The following SORD variants were observed in gnomAD, a reference collection of about 807,000 sequenced individuals.
The protein encoded by SORD is (R,R)-butanediol dehydrogenase.
A neutral mutation model predicts 35.6 loss-of-function variants in SORD; 18 were observed. The ratio of observed to expected loss-of-function variants is 0.51; its 90% CI spans 0.35 to 0.75. SORD has a LOEUF of 0.75. Among genes scored for constraint, SORD ranks in the 30% least tolerant of loss-of-function variants. The pLI is 0.01. For missense variants in SORD, 250 were observed against 390.2 expected (o/e 0.64, Z 3.03); for synonymous variants, 106 against 152.9 (o/e 0.69, Z 2.26).
chr15:45,059,322 T>G (rs1215392454), intron 3 of SORD, among the ~76,000 whole-genome samples: 1 of 150,920 alleles, frequency 6.6e-6, no homozygotes, highest in Non-Finnish European at 1.5e-5. Context: ...CAGAGTGAGA[T>G]CCTGTCTCAA....
intron 3 of SORD, among the ~76,000 whole-genome samples, chr15:45,060,600 C>G (rs1368387527): frequency 9.9e-5 from 15 of 152,166 alleles, no homozygotes; most frequent in Non-Finnish European, 1.8e-4. Context: ...TAGCTCTTGT[C>G]TTTGTAAAGG....
chr15:45,048,111 C>G (rs1160801156), intron 3 of SORD, among the ~76,000 whole-genome samples: 1 of 152,204 alleles, frequency 6.6e-6, no homozygotes, highest in East Asian at 1.9e-4. Flanking sequence ...CTCAGGATAA[C>G]TATTTGTCCT....
intron 1 of SORD, among the ~76,000 whole-genome samples, chr15:45,029,765 T>C (rs904891763): frequency 3.9e-5 from 6 of 152,198 alleles, no homozygotes; most frequent in Non-Finnish European, 8.8e-5. Context: ...GTGGAGAATT[T>C]TACTGAGCAA....
At chr15:45,045,725 T>C (rs1893037584) in intron 3 of SORD, among the ~76,000 whole-genome samples, 1 of 152,066 alleles carries the variant, frequency 6.6e-6, no homozygotes, top group South Asian at 2.1e-4. Flanking sequence ...AGCACTTGGC[T>C]GGGCATGGTG....
chr15:45,041,973 G>A (rs1159045931), intron 2 of SORD, among the ~76,000 whole-genome samples: 1 of 152,120 alleles, frequency 6.6e-6, no homozygotes, highest in East Asian at 1.9e-4. Context: ...AATTCACCCT[G>A]CCATTTCTTA....
At chr15:45,027,284 C>T (rs1035455096) in intron 1 of SORD, among the ~76,000 whole-genome samples, 17 of 152,376 alleles carry the variant, frequency 1.1e-4, no homozygotes, top group East Asian at 1.9e-4. Flanking sequence ...GGAAATAGTA[C>T]GAAGTTCCCA....
chr15:45,047,403 A>G (rs1327005328), intron 3 of SORD, among the ~76,000 whole-genome samples: 1 of 152,170 alleles, frequency 6.6e-6, no homozygotes, highest in Non-Finnish European at 1.5e-5. Flanking sequence ...AGAGGGCCCG[A>G]ACACTAGTAC....
intron 3 of SORD, among the ~76,000 whole-genome samples, chr15:45,057,667 C>T (rs112408460): frequency 0.027 from 4,104 of 152,208 alleles, 107 homozygotes; most frequent in South Asian, 0.11. Context: ...CCTGTAGTCC[C>T]AGCTACTTGG....
At chr15:45,060,764 G>A (rs1326917672) in intron 3 of SORD, among the ~76,000 whole-genome samples, 1 of 152,010 alleles carries the variant, frequency 6.6e-6, no homozygotes, top group East Asian at 1.9e-4. Flanking sequence ...GCTTGTTGCA[G>A]GAGCTGGAAA....
chr15:45,053,494 C>T (rs1369879952), intron 3 of SORD, among the ~76,000 whole-genome samples: 1 of 152,186 alleles, frequency 6.6e-6, no homozygotes, highest in African/African-American at 2.4e-5. Flanking sequence ...GGAAAATTAA[C>T]CAGACTTCCA....
intron 4 of SORD, among the ~76,000 whole-genome samples, chr15:45,062,418 G>A (rs1445202880): frequency 3.9e-4 from 59 of 152,286 alleles, no homozygotes; most frequent in Non-Finnish European, 6.6e-4. Flanking sequence ...CCGAAGTGCC[G>A]CTTTCCCCCT....
At chr15:45,035,079 G>A (rs1892840599) in intron 1 of SORD, among the ~76,000 whole-genome samples, 1 of 152,168 alleles carries the variant, frequency 6.6e-6, no homozygotes, top group South Asian at 2.1e-4. Flanking sequence ...CGCGGGGCAG[G>A]GCTCGGGACC....
At chr15:45,059,972 C>T (rs1437621066) in intron 3 of SORD, among the ~76,000 whole-genome samples, 2 of 152,056 alleles carry the variant, frequency 1.3e-5, no homozygotes, top group Admixed American at 1.3e-4. Context: ...GGGGATGGGG[C>T]TGGGGATTGA....
intron 3 of SORD, among the ~76,000 whole-genome samples, chr15:45,054,763 G>T (rs1326018506): frequency 1.4e-4 from 22 of 151,948 alleles, no homozygotes; most frequent in Admixed American, 1.4e-3. Context: ...TTCTTCTAGG[G>T]TTTTTATGGT....
intron 1 of SORD, among the ~76,000 whole-genome samples, chr15:45,034,717 G>A (rs1015870039): frequency 1.3e-5 from 2 of 152,238 alleles, no homozygotes; most frequent in African/African-American, 4.8e-5. Context: ...CCTCTGCCTG[G>A]GCTCCCGCTT....
At chr15:45,054,021 C>T (rs970680276) in intron 3 of SORD, among the ~76,000 whole-genome samples, 49 of 148,808 alleles carry the variant, frequency 3.3e-4, no homozygotes, top group African/African-American at 1.2e-3. Flanking sequence ...ATATCTGCCA[C>T]ATTTTCTTAA....
intron 4 of SORD, among the ~76,000 whole-genome samples, chr15:45,063,867 G>T (rs376150862): frequency 1.3e-5 from 2 of 150,508 alleles, no homozygotes; most frequent in Admixed American, 6.7e-5. Context: ...GAGTGTGACC[G>T]CAGTCAGAGC....
intron 1 of SORD, among the ~76,000 whole-genome samples, chr15:45,031,724 T>C (rs1351492137): frequency 6.6e-6 from 1 of 151,154 alleles, no homozygotes; most frequent in African/African-American, 2.4e-5. Context: ...CCCAAAGTGC[T>C]GGGATCACCG....
intron 4 of SORD, among the ~76,000 whole-genome samples, chr15:45,062,379 C>A (rs1237795266): frequency 6.6e-6 from 1 of 152,240 alleles, no homozygotes; most frequent in African/African-American, 2.4e-5. Context: ...CGTGGCCCCC[C>A]ATGGCCCCAG....
Sources: allele counts gnomAD v4.1 joint callset (sites outside exome capture counted in the v4.1 genomes callset), GRCh38; gene constraint gnomAD v4.1.1; transcripts MANE v1.5; gene names NCBI Gene and HGNC (gene_info 2026-07-23, HGNC 2026-07-21).